The following GSK3B variants were observed in gnomAD, a reference collection of about 807,000 sequenced individuals.
GSK3B encodes the protein glycogen synthase kinase-3 beta.
In GSK3B, 15 loss-of-function variants were observed where a neutral mutation model predicts 56.4. The ratio of observed to expected loss-of-function variants is 0.27; its 90% CI spans 0.18 to 0.41. The LOEUF (loss-of-function observed/expected upper bound fraction) is 0.41. Among genes scored for constraint, GSK3B ranks in the 10% least tolerant of loss-of-function variants. GSK3B has a pLI of 1.00. For synonymous variants in GSK3B, 181 were observed against 188.9 expected, an observed-to-expected ratio of 0.96 and a Z score of 0.34; for missense variants, 300 against 513.4, an observed-to-expected ratio of 0.58 and a Z score of 4.02.
At chr3:119,944,984 A>G (rs1188595709) in intron 3 of GSK3B, among the ~76,000 whole-genome samples, 1 of 152,188 alleles carries the variant, frequency 6.6e-6, no homozygotes, top group Non-Finnish European at 1.5e-5. Flanking sequence ...AAAATAACTA[A>G]CCTGAGCACT....
At chr3:119,925,158 A>G (rs9815699) in intron 3 of GSK3B, among the ~76,000 whole-genome samples, 35,100 of 151,788 alleles carry the variant, frequency 0.23, 5,053 homozygotes, top group Non-Finnish European at 0.32. Context: ...GCAAAACCCC[A>G]TCTCTACAAA....
intron 7 of GSK3B, among the ~76,000 whole-genome samples, chr3:119,882,408 G>A (rs1200722770): frequency 2.0e-5 from 3 of 152,012 alleles, no homozygotes; most frequent in African/African-American, 7.2e-5. Flanking sequence ...AAACAAAAAA[G>A]TTGTGAAAGT....
At chr3:120,066,654 T>C (rs927751690) in intron 1 of GSK3B, among the ~76,000 whole-genome samples, 14 of 152,142 alleles carry the variant, frequency 9.2e-5, no homozygotes, top group Admixed American at 2.0e-4. Flanking sequence ...AATATGACCA[T>C]TGGCTATCTC....
chr3:120,054,168 A>T (rs2058173909), intron 1 of GSK3B, among the ~76,000 whole-genome samples: 6 of 152,230 alleles, frequency 3.9e-5, no homozygotes, highest in Admixed American at 3.9e-4. Flanking sequence ...AGCATAAAAA[A>T]CATTTCTCTA....
In GSK3B at chr3:120,062,910, A is replaced by G. The variant is rs571968169; in HGVS notation, c.88+30437T>C. ...TACCCTACTTTCTGGACTTTAGAGC[A>G]GATTACAATACTGTAAGATTTAGGA... On this transcript the variant is annotated intron_variant, in intron 1 of 10. Transcript: ENST00000264235. 7.0e-3 allele frequency among the ~76,000 whole-genome samples: 1,062 copies of G among 152,324 alleles called. 27 individuals are homozygous for G. The highest frequency in any genetic ancestry group is 4.4e-3 in the Non-Finnish European group (299 of 68,028).
At chr3:119,852,166 A>G (rs1249941028) in intron 9 of GSK3B, among the ~76,000 whole-genome samples, 1 of 152,170 alleles carries the variant, frequency 6.6e-6, no homozygotes, top group East Asian at 1.9e-4. Context: ...AGGACTATAT[A>G]ATATGATATT....
At chr3:120,067,469 A>G (rs1401197607) in intron 1 of GSK3B, among the ~76,000 whole-genome samples, 2 of 152,208 alleles carry the variant, frequency 1.3e-5, no homozygotes, top group Non-Finnish European at 2.9e-5. Flanking sequence ...AGTTGGGCAA[A>G]ATCACCTAAC....
chr3:119,839,069 C>T (rs2055734671), intron 10 of GSK3B, among the ~76,000 whole-genome samples: 1 of 152,140 alleles, frequency 6.6e-6, no homozygotes, highest in African/African-American at 2.4e-5. Flanking sequence ...TTTTGTTGTA[C>T]TAGTCAAAGT....
chr3:120,070,657 C>A (rs567902227), intron 1 of GSK3B, among the ~76,000 whole-genome samples: 2 of 152,278 alleles, frequency 1.3e-5, no homozygotes, highest in African/African-American at 4.8e-5. Context: ...CAGAGTTCAT[C>A]TATTAATATA....
chr3:119,955,414 T>A (rs1559851862), intron 2 of GSK3B, among the ~76,000 whole-genome samples: 1 of 152,056 alleles, frequency 6.6e-6, no homozygotes, highest in Non-Finnish European at 1.5e-5. Flanking sequence ...AATACAAAAA[T>A]TTACAATCTT....
intron 7 of GSK3B, among the ~76,000 whole-genome samples, chr3:119,884,315 CG>C (rs1559822050): frequency 6.6e-6 from 1 of 151,984 alleles, no homozygotes; most frequent in Non-Finnish European, 1.5e-5. Flanking sequence ...GCTGAGGTCA[CG>C]GGAAGAGCAA....
At chr3:120,021,473 G>A (rs1452741564) in intron 1 of GSK3B, among the ~76,000 whole-genome samples, 3 of 151,404 alleles carry the variant, frequency 2.0e-5, no homozygotes, top group Non-Finnish European at 2.9e-5. Context: ...CCGAGATTGC[G>A]CCACGGCACT....
chr3:120,062,848 T>G (rs2058249241), intron 1 of GSK3B, among the ~76,000 whole-genome samples: 1 of 152,204 alleles, frequency 6.6e-6, no homozygotes, highest in Admixed American at 6.5e-5. Context: ...TTTCGAAACA[T>G]AAGTTTGAGC....
At chr3:119,844,921 T>C (rs1248048959) in intron 9 of GSK3B, among the ~76,000 whole-genome samples, 2 of 152,184 alleles carry the variant, frequency 1.3e-5, no homozygotes, top group Non-Finnish European at 2.9e-5. Context: ...AATAAAATAC[T>C]GGCAAACCGA....
At position 119,899,135 on chromosome 3, in the gene GSK3B, C is replaced by T. The variant is rs554395468; in HGVS notation, c.813+6620G>A. 3.3e-5 allele frequency among the ~76,000 whole-genome samples: 5 copies of T among 152,154 alleles called. No homozygotes were observed. In the South Asian group the frequency reaches 1.0e-3, roughly 32 times the overall value. On this transcript the variant is annotated intron_variant, in intron 7 of 10. Transcript: ENST00000264235. ...TGTCAGGAGCAAATGATGTCGATGA[C>T]TAACGGGCAGGTAGTGTATACAGCA...
chr3:119,976,088 G>C (rs186869936), intron 2 of GSK3B, among the ~76,000 whole-genome samples: 170 of 152,316 alleles, frequency 1.1e-3, no homozygotes, highest in Non-Finnish European at 6.0e-4. Flanking sequence ...AAGTTGCAGA[G>C]AAATTGCAAT....
At chr3:119,904,116 C>T (rs1373594110) in intron 7 of GSK3B, among the ~76,000 whole-genome samples, 1 of 152,062 alleles carries the variant, frequency 6.6e-6, no homozygotes, top group Non-Finnish European at 1.5e-5. Context: ...ATTATTATAC[C>T]TCTAACTTCA....
At chr3:120,058,022 A>T (rs1312182221) in intron 1 of GSK3B, among the ~76,000 whole-genome samples, 1 of 152,084 alleles carries the variant, frequency 6.6e-6, no homozygotes, top group East Asian at 1.9e-4. Context: ...CTTTTCCACC[A>T]ATCTTGTATT....
chr3:119,886,713 G>A (rs1204435373), intron 7 of GSK3B, among the ~76,000 whole-genome samples: 1 of 152,032 alleles, frequency 6.6e-6, no homozygotes, highest in Non-Finnish European at 1.5e-5. Context: ...TACGTCCTTT[G>A]CAACAACATA....
Sources: gnomAD v4.1 joint callset for allele counts (sites outside exome capture counted in the v4.1 genomes callset) on GRCh38, gnomAD v4.1.1 for gene constraint, MANE v1.5 for transcripts, NCBI Gene and HGNC (gene_info 2026-07-23, HGNC 2026-07-21) for gene names.